The following PPM1N variants were observed in gnomAD, a reference collection of about 807,000 sequenced individuals.
PPM1N encodes the protein protein phosphatase, Mg2+/Mn2+ dependent 1N (putative).
PPM1N carries 35 observed loss-of-function variants against 32.6 expected under a neutral mutation model. That is an observed-to-expected ratio of 1.07 (90% CI 0.82 to 1.43). The LOEUF (loss-of-function observed/expected upper bound fraction) is 1.43. PPM1N is among the 40% of genes most tolerant of loss of function. The pLI is 0.00. For synonymous variants in PPM1N, 275 were observed against 270.5 expected (o/e 1.02, Z -0.16); for missense variants, 648 against 606.6 (o/e 1.07, Z -0.72).
In PPM1N at chr19:45,499,087, C is replaced by A. The variant is rs769853524; in HGVS notation, c.615C>A (p.Pro205=). 3.8e-5 allele frequency: 57 copies of A among 1,515,742 alleles called. No individual in the cohort carries two copies. The highest frequency in any genetic ancestry group is 4.9e-5 in the Non-Finnish European group (56 of 1,142,146). 93.9% of individuals were successfully genotyped at this position (1,515,742 alleles called of 1,614,324 possible). A position where few individuals can be genotyped will look rare whatever the true frequency, so the allele number is the denominator to read the frequency against. ...FSTEDHRPLR[P]RERERIHAAG... ...CAGAGGACCACCGGCCCCTTCGACC[C>A]CGGGAACGCGAGCGCATCCACGCCG... Residue 205 remains proline (P), a synonymous_variant, in exon 1 of 5, where the codon CCC becomes CCA. Transcript: ENST00000451287.
intron 2 of PPM1N, 127 bp from the exon 3 acceptor site, chr19:45,500,329 T>C: frequency 1.2e-6 from 1 of 869,490 alleles, no homozygotes; most frequent in Non-Finnish European, 1.8e-6. Context: ...TAGACGGGGT[T>C]TCACGATGTT....
chr19:45,498,643 G>A lies in PPM1N; in HGVS notation c.171G>A (p.Gly57=). ...CGCGCCGCGCCCAGCGGCCGCACGG[G>A]GGTGCCGAGGCGTCTGGGGGCCTGC... The part of the protein sequence containing the change: ...TAPRRAQRPH[G]GAEASGGLRF... The change falls in exon 1 of 5, where the codon GGG becomes GGA. Residue 57 remains glycine (G), a synonymous_variant. Coordinates refer to ENST00000451287, the MANE Select transcript of PPM1N (RefSeq NM_001080401.2). 1 of 1,417,194 alleles carries A rather than the reference G, an allele frequency of 7.1e-7. No homozygotes were observed. The highest frequency in any genetic ancestry group is 9.2e-7 in the Non-Finnish European group (1 of 1,090,500). The allele number at this position is 1,417,194 out of a possible 1,614,324, so 87.8% of individuals were successfully genotyped here. A position where few individuals can be genotyped will look rare whatever the true frequency, so the allele number is the denominator to read the frequency against.
chr19:45,500,991 C>G (rs1436228870), intron 4 of PPM1N, among the ~76,000 whole-genome samples: 1 of 151,994 alleles, frequency 6.6e-6, no homozygotes, highest in East Asian at 1.9e-4. Context: ...GCTGGGATTA[C>G]AGGCGGGAGC....
chr19:45,500,413 G>A, intron 2 of PPM1N, 43 bp from the exon 3 acceptor site: 1 of 1,531,124 alleles, frequency 6.5e-7, no homozygotes, highest in Non-Finnish European at 8.9e-7. Flanking sequence ...GGGATTACAG[G>A]CGTGCGCCAC....
rs1968396482 is a variant in PPM1N at position 45,500,539 on chromosome 19, C to A, written c.1141C>A (p.Pro381Thr). The A allele has an allele frequency of 6.2e-7, 1 of 1,610,912 alleles. No individual in the cohort carries two copies. The highest frequency in any genetic ancestry group is 8.5e-7 in the Non-Finnish European group (1 of 1,178,504). ...LASEDIPDLP[P>T]GGGLDCKATV... ...CTCAGAGGACATCCCAGATTTACCT[C>A]CTGGGGGAGGGCTGGACTGCAAGTG... is the stretch of plus-strand genomic sequence containing the variant. Residue 381 changes from proline to threonine, a missense_variant, in exon 3 of 5, where the codon CCT becomes ACT. By Grantham distance (38) the Pro-to-Thr change is conservative. Coordinates refer to ENST00000451287, the MANE Select transcript of PPM1N (RefSeq NM_001080401.2).
At chr19:45,499,862 G>T in intron 1 of PPM1N, 87 bp from the exon 2 acceptor site, 1 of 1,524,038 alleles carries the variant, frequency 6.6e-7, no homozygotes, top group Non-Finnish European at 8.8e-7. Context: ...TAAGTAGAAT[G>T]AAGTGGGGGA....
Position 45,499,306 on chromosome 19 carries a change from C to T in PPM1N, c.834C>T (p.Asp278=), listed in dbSNP as rs757554173. The part of the protein sequence containing the change: ...FMLLASDGVW[D]TVSGAALAGL... ...TCCTGGCCTCTGATGGCGTCTGGGACACTGTGTCTGGTGCTGCCCTGGCGG... is the reference window on the plus strand; with the variant it reads ...TCCTGGCCTCTGATGGCGTCTGGGATACTGTGTCTGGTGCTGCCCTGGCGG... The change falls in exon 1 of 5, where the codon GAC becomes GAT. Residue 278 remains aspartate (D), a synonymous_variant. Coordinates refer to ENST00000451287, the MANE Select transcript of PPM1N (RefSeq NM_001080401.2). 1.2e-6 allele frequency: 2 copies of T among 1,613,184 alleles called. No homozygotes were observed. Among genetic ancestry groups the T allele is most frequent in the Admixed American group, 1.7e-5 (1 of 60,024 alleles).
rs1031237433 is a variant in PPM1N at position 45,498,587 on chromosome 19, C to G, written c.115C>G (p.Pro39Ala). The G allele has an allele frequency of 1.4e-6, 2 of 1,458,232 alleles. No homozygotes were observed. Among genetic ancestry groups the G allele is most frequent in the African/African-American group, 3.0e-5 (2 of 67,318 alleles). 90.3% of individuals were successfully genotyped at this position (1,458,232 alleles called of 1,614,324 possible). A position where few individuals can be genotyped will look rare whatever the true frequency, so the allele number is the denominator to read the frequency against. ...EEEEEAGRRA[P>A]EGPRSLLTAP... is the part of the protein sequence containing the mutation. The stretch of plus-strand genomic sequence containing the variant: ...GGAGGAGGAGGCGGGGCGCAGGGCC[C>G]CCGAAGGGCCTCGGTCTCTGTTGAC... The change falls in exon 1 of 5, where the codon CCC (proline) becomes GCC (alanine). Residue 39 changes from proline to alanine, a missense_variant. Coordinates refer to ENST00000451287, the MANE Select transcript of PPM1N (RefSeq NM_001080401.2).
rs199663044 is a variant in PPM1N, at chr19:45,502,060, G to T, written c.1268G>T (p.Gly423Val). 1.2e-4 allele frequency: 194 copies of T among 1,562,934 alleles called. 1 individual carries two copies. The South Asian group carries it at 2.1e-3, about 17-fold the overall frequency. ...GAGKSNPTHL[G>V]SALDMEA is the part of the protein sequence containing the mutation. The stretch of plus-strand genomic sequence containing the variant: ...GGGAAGTCCAACCCCACGCATTTGG[G>T]CTCAGCCTTGGACATGGAGGCCTGA... The change falls in exon 5 of 5, where the codon GGC becomes GTC. Residue 423 changes from glycine to valine, a missense_variant. By Grantham distance (109) the Gly-to-Val change is moderately radical (BLOSUM62 -3). Coordinates refer to ENST00000451287, the MANE Select transcript of PPM1N (RefSeq NM_001080401.2).
chr19:45,500,396 A>G, intron 2 of PPM1N, 60 bp from the exon 3 acceptor site: 5 of 1,464,994 alleles, frequency 3.4e-6, no homozygotes, highest in Non-Finnish European at 4.7e-6. Context: ...TGGTCTCCCA[A>G]AGTGCTGGGA....
chr19:45,500,724 G>A lies in PPM1N; in HGVS notation c.1224+14G>A. ...GAGTGCGGAGAGGTAAGGATCCTGT[G>A]TTCTCCAGTGTTTCTCTTAGGAGGG... On this transcript the variant is annotated intron_variant, in intron 4 of 4. Coordinates refer to ENST00000451287, the MANE Select transcript of PPM1N (RefSeq NM_001080401.2). The A allele has an allele frequency of 6.3e-7, 1 of 1,583,946 alleles. No homozygotes were observed. Among genetic ancestry groups the A allele is most frequent in the African/African-American group, 1.3e-5 (1 of 74,538 alleles).
rs1321598807 is a variant in PPM1N, at chr19:45,498,965, G to A, written c.493G>A (p.Ala165Thr). 6.4e-7 allele frequency: 1 copy of A among 1,558,888 alleles called. No homozygotes were observed. Among genetic ancestry groups the A allele is most frequent in the South Asian group, 1.2e-5 (1 of 86,236 alleles). The part of the protein sequence containing the change: ...WPRVETGGCT[A>T]VVLLVSPRFL... ...CCGCGTGGAAACGGGCGGCTGCACGGCCGTGGTGTTGCTGGTCTCCCCGCG... is the reference window on the plus strand; with the variant it reads ...CCGCGTGGAAACGGGCGGCTGCACGACCGTGGTGTTGCTGGTCTCCCCGCG... Residue 165 changes from alanine to threonine, a missense_variant, in exon 1 of 5, where the codon GCC (alanine) becomes ACC (threonine). By Grantham distance (58) the Ala-to-Thr change is moderately conservative. Transcript: ENST00000451287.
chr19:45,500,377 C>G, intron 2 of PPM1N, 79 bp from the exon 3 acceptor site: 1 of 1,304,288 alleles, frequency 7.7e-7, no homozygotes, highest in Non-Finnish European at 1.1e-6. Context: ...TCAAGTGATC[C>G]GCCCGCCTTG....
chr19:45,500,445 C>T lies in PPM1N; in HGVS notation c.1058-11C>T, dbSNP rs771264334. 2 of 1,597,358 alleles carry T rather than the reference C, an allele frequency of 1.3e-6. No homozygotes were observed. The highest frequency in any genetic ancestry group is 3.5e-5 in the Admixed American group (2 of 57,852). The stretch of plus-strand genomic sequence containing the variant: ...CCACTGTGCCCAGCCTAACTCTTGA[C>T]TCTTTCTCAGAACTGTGTGCCTCTG... On this transcript the variant is annotated splice_polypyrimidine_tract_variant and intron_variant, in intron 2 of 4. Coordinates refer to ENST00000451287, the MANE Select transcript of PPM1N (RefSeq NM_001080401.2).
At position 45,499,034 on chromosome 19, in the gene PPM1N, A is replaced by G. The variant is rs1404513937; in HGVS notation, c.562A>G (p.Ser188Gly). ...AHCGDSRAVL[S>G]RAGAVAFSTE... is the part of the protein sequence containing the mutation. ...CTGCGGTGACTCCCGCGCGGTGCTG[A>G]GCCGCGCTGGCGCCGTGGCCTTCAG... is the stretch of plus-strand genomic sequence containing the variant. Residue 188 changes from serine (S) to glycine (G), a missense_variant, in exon 1 of 5, where the codon AGC becomes GGC. Physicochemically the swap from Ser to Gly is moderately conservative, Grantham distance 56. Transcript: ENST00000451287. The G allele has an allele frequency of 6.5e-7, 1 of 1,539,790 alleles. No individual in the cohort carries two copies. Among genetic ancestry groups the G allele is most frequent in the Non-Finnish European group, 8.7e-7 (1 of 1,154,264 alleles).
intron 1 of PPM1N, chr19:45,499,743 C>T (rs1968379665): frequency 6.5e-7 from 1 of 1,528,484 alleles, no homozygotes; most frequent in Non-Finnish European, 8.8e-7. Flanking sequence ...TCAGAGCGGG[C>T]GGAGCTTTAG....
At position 45,502,339 on chromosome 19, in the gene PPM1N, AAAAC is replaced by A; in HGVS notation, c.*255_*258del. 1.8e-6 allele frequency: 1 copy of A among 552,854 alleles called. No individual in the cohort carries two copies. Among genetic ancestry groups the A allele is most frequent in the African/African-American group, 2.1e-5 (1 of 46,796 alleles). 34.2% of individuals were successfully genotyped at this position (552,854 alleles called of 1,614,324 possible). On this transcript the variant is annotated 3_prime_UTR_variant, in exon 5 of 5. Transcript: ENST00000451287. ...AAAAAAAAAAAAAAAAAAAAACAAA[AAAAC>A]CCAACCAAATGTTTTTGAAATATTC...
Position 45,502,323 on chromosome 19 carries a change from AAAAAAAAAAAAC to A in PPM1N, c.*246_*257del, listed in dbSNP as rs1384908495. On this transcript the variant is annotated 3_prime_UTR_variant, in exon 5 of 5. Coordinates refer to ENST00000451287, the MANE Select transcript of PPM1N (RefSeq NM_001080401.2). Reference sequence around the variant, plus strand: ...AGCCCAAATCGAAAAAAAAAAAAAAAAAAAAAAAAAACAAAAAAACCCAACCAAATGTTTTTG... The same window carrying A: ...AGCCCAAATCGAAAAAAAAAAAAAAAAAAAAAACCCAACCAAATGTTTTTG... 2.2e-4 allele frequency: 119 copies of A among 534,562 alleles called. 1 individual carries two copies. Among genetic ancestry groups the A allele is most frequent in the Admixed American group, 7.9e-4 (19 of 24,186 alleles). The allele number at this position is 534,562 out of a possible 1,614,324, so 33.1% of individuals were successfully genotyped here.
At chr19:45,500,760 C>G (rs763702176) in intron 4 of PPM1N, 50 bp downstream of exon 4, 1 of 1,399,264 alleles carries the variant, frequency 7.1e-7, no homozygotes, top group East Asian at 2.7e-5. Context: ...GACGCCCCCC[C>G]GCCCACCCCT....
Sources: gnomAD v4.1 joint callset for allele counts (sites outside exome capture counted in the v4.1 genomes callset) on GRCh38, gnomAD v4.1.1 for gene constraint, MANE v1.5 for transcripts, NCBI Gene and HGNC (gene_info 2026-07-23, HGNC 2026-07-21) for gene names.